The following INSYN2B variants were observed in gnomAD, a reference collection of about 807,000 sequenced individuals.
INSYN2B encodes the protein inhibitory synaptic factor family member 2B.
INSYN2B carries 16 observed loss-of-function variants against 41.2 expected under a neutral mutation model. That is an observed-to-expected ratio of 0.39 (90% CI 0.26 to 0.59). The LOEUF (loss-of-function observed/expected upper bound fraction) is 0.59. Ranked by LOEUF, INSYN2B falls within the 20% of genes least tolerant of loss-of-function variation. INSYN2B has a pLI of 0.57. For synonymous variants in INSYN2B, 245 were observed against 244.4 expected, an observed-to-expected ratio of 1.00 and a Z score of -0.02; for missense variants, 608 against 646.4, an observed-to-expected ratio of 0.94 and a Z score of 0.64.
chr5:169,935,461 G>A (rs1775944580), intron 1 of INSYN2B, among the ~76,000 whole-genome samples: 1 of 152,142 alleles, frequency 6.6e-6, no homozygotes, highest in South Asian at 2.1e-4. Flanking sequence ...CAACTTAATG[G>A]TGGAGTTCGG....
chr5:169,918,406 T>C (rs181518166), intron 1 of INSYN2B, among the ~76,000 whole-genome samples: 1 of 152,298 alleles, frequency 6.6e-6, no homozygotes, highest in East Asian at 1.9e-4. Flanking sequence ...GTAGCACTGT[T>C]TATAAATCAC....
intron 1 of INSYN2B, among the ~76,000 whole-genome samples, chr5:169,963,978 C>T (rs536707266): frequency 1.3e-5 from 2 of 152,156 alleles, no homozygotes; most frequent in South Asian, 4.2e-4. Context: ...ACCACTGCTT[C>T]AAGGGGAGGG....
chr5:169,872,880 C>T (rs1212724212), intron 3 of INSYN2B, among the ~76,000 whole-genome samples: 1 of 152,198 alleles, frequency 6.6e-6, no homozygotes, highest in Non-Finnish European at 1.5e-5. Flanking sequence ...TTAATCCTAT[C>T]CACATTTTAG....
At chr5:169,956,022 G>C (rs113651247) in intron 1 of INSYN2B, among the ~76,000 whole-genome samples, 2 of 151,774 alleles carry the variant, frequency 1.3e-5, no homozygotes, top group African/African-American at 4.8e-5. Flanking sequence ...AGTCAAATGT[G>C]GGGGAGACAT....
At chr5:169,909,618 C>CAT (rs1774481495) in intron 1 of INSYN2B, among the ~76,000 whole-genome samples, 1 of 152,154 alleles carries the variant, frequency 6.6e-6, no homozygotes, top group Non-Finnish European at 1.5e-5. Context: ...GACCAACATA[C>CAT]ATATCTTCTA....
At chr5:169,973,761 A>G (rs1254973709) in intron 1 of INSYN2B, among the ~76,000 whole-genome samples, 1 of 152,198 alleles carries the variant, frequency 6.6e-6, no homozygotes, top group Non-Finnish European at 1.5e-5. Flanking sequence ...CATAGAGAAT[A>G]GTCATTAAGA....
Position 169,944,710 on chromosome 5 carries a change from C to T in INSYN2B, c.-919+35567G>A, listed in dbSNP as rs368419852. On this transcript the variant is annotated intron_variant, in intron 1 of 3. Coordinates refer to ENST00000377365, the MANE Select transcript of INSYN2B (RefSeq NM_001129891.3). ...ATCTGGGATGCTGTAAACAGCTGAA[C>T]ATGTGGTGGCTCTCACCAGTGCTAG... is the stretch of plus-strand genomic sequence containing the variant. Among the ~76,000 whole-genome samples the T allele has an allele frequency of 1.8e-3, 279 of 152,326 alleles. 6 individuals carry two copies. In the South Asian group the frequency reaches 0.048, roughly 26 times the overall value.
At chr5:169,865,035 A>G (rs1771454499) in intron 3 of INSYN2B, among the ~76,000 whole-genome samples, 1 of 152,150 alleles carries the variant, frequency 6.6e-6, no homozygotes, top group Non-Finnish European at 1.5e-5. Flanking sequence ...ATTTCTACCA[A>G]TATATTACGT....
chr5:169,882,913 C>T lies in INSYN2B; in HGVS notation c.986G>A (p.Cys329Tyr). Residue 329 changes from cysteine (C) to tyrosine (Y), a missense_variant, in exon 2 of 4, where the codon TGT becomes TAT. Cys to Tyr is a radical substitution (Grantham distance 194). Coordinates refer to ENST00000377365, the MANE Select transcript of INSYN2B (RefSeq NM_001129891.3). ...QPAHPGRASD[C>Y]PSSSNNHQNL... ...CTGGTGATTGTTACTTGATGAAGGACAGTCTGAGGCTCTTCCTGGGTGGGC... is the reference window on the plus strand; with the variant it reads ...CTGGTGATTGTTACTTGATGAAGGATAGTCTGAGGCTCTTCCTGGGTGGGC... 2 of 1,551,928 alleles carry T rather than the reference C, an allele frequency of 1.3e-6. No individual in the cohort carries two copies. Among genetic ancestry groups the T allele is most frequent in the Non-Finnish European group, 1.7e-6 (2 of 1,146,984 alleles).
chr5:169,915,626 GAC>G (rs1291551972), intron 1 of INSYN2B, among the ~76,000 whole-genome samples: 1 of 151,682 alleles, frequency 6.6e-6, no homozygotes, highest in Non-Finnish European at 1.5e-5. Flanking sequence ...GAGAGAGAGA[GAC>G]AGAGACAGAC....
chr5:169,879,128 G>A lies in INSYN2B; in HGVS notation c.1421+2240C>T, dbSNP rs188750360. Among the ~76,000 whole-genome samples, 662 of 152,266 alleles carry A rather than the reference G, an allele frequency of 4.3e-3. 8 individuals are homozygous for A. Among genetic ancestry groups the A allele is most frequent in the African/African-American group, 0.015 (612 of 41,546 alleles). The stretch of plus-strand genomic sequence containing the variant: ...TCTGGGAAATACCACTTAGGAAACC[G>A]TATGCATGGCTAATTTAGCAGCAAC... On this transcript the variant is annotated intron_variant, in intron 3 of 3. Coordinates refer to ENST00000377365, the MANE Select transcript of INSYN2B (RefSeq NM_001129891.3).
intron 1 of INSYN2B, among the ~76,000 whole-genome samples, chr5:169,955,523 G>A (rs757453822): frequency 6.6e-6 from 1 of 152,182 alleles, no homozygotes; most frequent in Non-Finnish European, 1.5e-5. Flanking sequence ...TGAATTGGAT[G>A]AAATGTATTT....
At chr5:169,973,131 T>G (rs868202995) in intron 1 of INSYN2B, among the ~76,000 whole-genome samples, 20 of 152,196 alleles carry the variant, frequency 1.3e-4, no homozygotes, top group Admixed American at 2.6e-4. Context: ...CAAAGTAATC[T>G]TCCCTCCTGG....
At chr5:169,904,802 C>A (rs1774177155) in intron 1 of INSYN2B, among the ~76,000 whole-genome samples, 1 of 152,160 alleles carries the variant, frequency 6.6e-6, no homozygotes, top group South Asian at 2.1e-4. Context: ...TTGCTAATCC[C>A]CAAGTCACTC....
Position 169,883,183 on chromosome 5 carries a change from G to C in INSYN2B, c.716C>G (p.Thr239Arg), listed in dbSNP as rs1340947341. ...CACCCTTCTCCCATCACCTGGACGT[G>C]TGTCATCCAAAGGGTGTATGGAGTT... The part of the protein sequence containing the change: ...VSNSIHPLDD[T>R]RPGDGRRVTP... Residue 239 changes from threonine to arginine, a missense_variant, in exon 2 of 4, where the codon ACA (threonine) becomes AGA (arginine). Transcript: ENST00000377365. The C allele has an allele frequency of 6.4e-7, 1 of 1,551,626 alleles. No homozygotes were observed. The highest frequency in any genetic ancestry group is 8.7e-7 in the Non-Finnish European group (1 of 1,146,946).
intron 1 of INSYN2B, among the ~76,000 whole-genome samples, chr5:169,922,622 G>A (rs1775235943): frequency 6.6e-6 from 1 of 152,190 alleles, no homozygotes; most frequent in African/African-American, 2.4e-5. Flanking sequence ...TAAGCTGGTG[G>A]AGTTACCTCA....
rs1367613279 is a variant in INSYN2B, at chr5:169,947,427, C to A, written c.-919+32850G>T. Among the ~76,000 whole-genome samples the A allele has an allele frequency of 2.6e-5, 4 of 152,310 alleles. No homozygotes were observed. In the East Asian group the frequency reaches 7.7e-4, roughly 29 times the overall value. ...TTCTCATCCATTATTCTGATCCCAA[C>A]CCTCCAAGGTAGACTTCATTAGCCC... On this transcript the variant is annotated intron_variant, in intron 1 of 3. Transcript: ENST00000377365.
At chr5:169,868,480 T>C (rs1771735357) in intron 3 of INSYN2B, among the ~76,000 whole-genome samples, 1 of 152,174 alleles carries the variant, frequency 6.6e-6, no homozygotes, top group African/African-American at 2.4e-5. Context: ...AAAAATAGGC[T>C]GGGCGCAGTG....
intron 1 of INSYN2B, among the ~76,000 whole-genome samples, chr5:169,919,546 C>CA (rs1775060089): frequency 6.6e-6 from 1 of 152,196 alleles, no homozygotes; most frequent in South Asian, 2.1e-4. Context: ...CTCCAGCATG[C>CA]ATTTCTTTGA....
Sources: gnomAD v4.1 joint callset for allele counts (sites outside exome capture counted in the v4.1 genomes callset) on GRCh38, gnomAD v4.1.1 for gene constraint, MANE v1.5 for transcripts, NCBI Gene and HGNC (gene_info 2026-07-23, HGNC 2026-07-21) for gene names.